Variants in TBC1D4 observed in about 807,000 individuals in gnomAD.
TBC1D4 encodes the protein TBC (Tre-2, BUB2, CDC16) domain-containing protein.
A neutral mutation model predicts 142.5 loss-of-function variants in TBC1D4; 121 were observed. That is an observed-to-expected ratio of 0.85 (90% CI 0.73 to 0.99). The LOEUF (loss-of-function observed/expected upper bound fraction) is 0.99, where lower values mean the gene tolerates loss of function less well. Among genes scored for constraint, TBC1D4 ranks in the 50% least tolerant of loss-of-function variants. The probability of loss-of-function intolerance (pLI) is 0.00; values close to 1 mark genes in which losing one functional copy is unlikely to be tolerated. For missense variants in TBC1D4, 1,475 were observed against 1,606.6 expected (o/e 0.92, Z 1.40); for synonymous variants, 630 against 628.2 (o/e 1.00, Z -0.04).
At chr13:75,390,912 G>A (rs1884445816) in intron 1 of TBC1D4, among the ~76,000 whole-genome samples, 1 of 149,940 alleles carries the variant, frequency 6.7e-6, no homozygotes, top group Admixed American at 6.7e-5. Flanking sequence ...TATTATCTTT[G>A]GATACATATC....
rs769963002 is a variant in TBC1D4, at chr13:75,295,366, T to G, written c.3157-353A>C. 9.9e-5 allele frequency among the ~76,000 whole-genome samples: 15 copies of G among 152,280 alleles called. No individual in the cohort carries two copies. In the South Asian group the frequency reaches 2.3e-3, roughly 23 times the overall value. ...GAACCTCATAGAAAATCCCTTCTAA[T>G]TTCAGACTAATTCCAGAAAAGCCTC... is the stretch of plus-strand genomic sequence containing the variant. On this transcript the variant is annotated intron_variant, in intron 17 of 20. Coordinates refer to ENST00000377636, the MANE Select transcript of TBC1D4 (RefSeq NM_014832.5).
Position 75,481,744 on chromosome 13 carries a change from C to T in TBC1D4, c.24G>A (p.Gln8=), listed in dbSNP as rs771158239. The T allele has an allele frequency of 5.0e-6, 8 of 1,590,932 alleles. No individual in the cohort carries two copies. The highest frequency in any genetic ancestry group is 5.1e-6 in the Non-Finnish European group (6 of 1,172,038). Residue 8 remains glutamine, a synonymous_variant, in exon 1 of 21, where the codon CAG becomes CAA. Transcript: ENST00000377636. MEPPSCI[Q]DEPFPHPLEP... ...CCAGGGGGTGCGGGAACGGCTCATC[C>T]TGAATGCAGCTGGGCGGCTCCATAA...
intron 8 of TBC1D4, among the ~76,000 whole-genome samples, chr13:75,329,282 T>G (rs886445084): frequency 2.0e-5 from 3 of 152,152 alleles, no homozygotes; most frequent in Non-Finnish European, 4.4e-5. Flanking sequence ...CTTATATATT[T>G]TGTTTTTCAT....
At chr13:75,390,555 G>A (rs1228645950) in intron 1 of TBC1D4, among the ~76,000 whole-genome samples, 6 of 152,022 alleles carry the variant, frequency 3.9e-5, no homozygotes, top group Non-Finnish European at 8.8e-5. Context: ...TTCTCATTTA[G>A]TAATGGCAGC....
chr13:75,325,393 T>G (rs1332727539), intron 10 of TBC1D4, among the ~76,000 whole-genome samples: 7 of 151,394 alleles, frequency 4.6e-5, no homozygotes, highest in Non-Finnish European at 8.8e-5. Context: ...AAATTAGCCT[T>G]CTCCTTTTAC....
At chr13:75,351,255 T>C (rs2138123193) in intron 4 of TBC1D4, among the ~76,000 whole-genome samples, 1 of 152,296 alleles carries the variant, frequency 6.6e-6, no homozygotes, top group Non-Finnish European at 1.5e-5. Context: ...TTTTATAGCA[T>C]TTGAGAATAA....
At chr13:75,435,776 T>C (rs1886774280) in intron 1 of TBC1D4, among the ~76,000 whole-genome samples, 1 of 152,180 alleles carries the variant, frequency 6.6e-6, no homozygotes. Flanking sequence ...AATCCATTTT[T>C]GTGCCAAAAG....
chr13:75,401,389 T>C (rs4885292), intron 1 of TBC1D4, among the ~76,000 whole-genome samples: 151,547 of 152,348 alleles, frequency 0.99, 75,379 homozygotes, highest in Middle Eastern at 1. Context: ...GCATCAGATA[T>C]GTCAGTCAAG....
chr13:75,314,609 A>C (rs999316173), intron 12 of TBC1D4, among the ~76,000 whole-genome samples: 1 of 152,186 alleles, frequency 6.6e-6, no homozygotes, highest in Non-Finnish European at 1.5e-5. Flanking sequence ...AATATAGTCA[A>C]ACTCTGGTTA....
At chr13:75,423,529 T>C (rs1011488239) in intron 1 of TBC1D4, among the ~76,000 whole-genome samples, 2 of 151,970 alleles carry the variant, frequency 1.3e-5, no homozygotes, top group African/African-American at 4.8e-5. Context: ...AGAGGGAGAT[T>C]AAATAACAAA....
intron 1 of TBC1D4, among the ~76,000 whole-genome samples, chr13:75,365,861 A>G (rs1882878959): frequency 6.6e-6 from 1 of 152,176 alleles, no homozygotes; most frequent in African/African-American, 2.4e-5. Flanking sequence ...AGAGTCATAT[A>G]TATAGGAGTG....
chr13:75,291,925 T>C (rs1309285744), intron 19 of TBC1D4, among the ~76,000 whole-genome samples, 177 bp downstream of exon 19: 1 of 152,208 alleles, frequency 6.6e-6, no homozygotes, highest in African/African-American at 2.4e-5. Context: ...CAGCATTTTT[T>C]GTGCATAGCC....
chr13:75,452,168 TG>T (rs1311578978), intron 1 of TBC1D4, among the ~76,000 whole-genome samples: 1 of 152,200 alleles, frequency 6.6e-6, no homozygotes, highest in Non-Finnish European at 1.5e-5. Context: ...GTAAACTCGC[TG>T]TTTATTAAAG....
intron 4 of TBC1D4, 131 bp downstream of exon 4, chr13:75,356,016 G>T: frequency 1.4e-6 from 1 of 732,028 alleles, no homozygotes. Flanking sequence ...TGAAGGGGAG[G>T]AACATATTTC....
intron 1 of TBC1D4, among the ~76,000 whole-genome samples, chr13:75,385,531 A>T (rs1884115712): frequency 6.6e-6 from 1 of 152,238 alleles, no homozygotes; most frequent in South Asian, 2.1e-4. Context: ...AGAGACGCTG[A>T]TAACAGCCTC....
intron 10 of TBC1D4, among the ~76,000 whole-genome samples, chr13:75,325,904 C>T (rs960201568): frequency 6.6e-5 from 10 of 152,122 alleles, no homozygotes; most frequent in African/African-American, 2.2e-4. Context: ...CACTGCGTAA[C>T]GTGTTATCAG....
chr13:75,368,160 T>C (rs1205268955), intron 1 of TBC1D4, among the ~76,000 whole-genome samples: 1 of 152,156 alleles, frequency 6.6e-6, no homozygotes, highest in Non-Finnish European at 1.5e-5. Context: ...CAAAATAGAA[T>C]AGAGTAATAC....
intron 1 of TBC1D4, among the ~76,000 whole-genome samples, chr13:75,369,531 AATT>A (rs1159546395): frequency 1.4e-5 from 2 of 144,616 alleles, no homozygotes; most frequent in South Asian, 2.3e-4. Flanking sequence ...ACACAATCAA[AATT>A]ATTATTTTTA....
At chr13:75,330,063 C>A (rs1879622856) in intron 8 of TBC1D4, among the ~76,000 whole-genome samples, 1 of 152,188 alleles carries the variant, frequency 6.6e-6, no homozygotes, top group African/African-American at 2.4e-5. Flanking sequence ...AAAATTATTT[C>A]TTTAAAAATT....
Sources: allele counts gnomAD v4.1 joint callset (sites outside exome capture counted in the v4.1 genomes callset), GRCh38; gene constraint gnomAD v4.1.1; transcripts MANE v1.5; gene names NCBI Gene and HGNC (gene_info 2026-07-23, HGNC 2026-07-21).